Variants in ASPSCR1 observed in about 807,000 individuals in gnomAD.
ASPSCR1 encodes the protein ASPSCR1 tether for SLC2A4, UBX domain containing.
In ASPSCR1, 55 loss-of-function variants were observed where a neutral mutation model predicts 68.9. The observed-to-expected ratio is 0.80, with a 90% CI of 0.64 to 1.00. ASPSCR1 has a LOEUF of 1.00. ASPSCR1 is among the 50% of genes least tolerant of loss of function. The pLI, the probability that ASPSCR1 is intolerant of heterozygous loss-of-function variation, is 0.00. For synonymous variants in ASPSCR1, 352 were observed against 332.6 expected (o/e 1.06, Z -0.63); for missense variants, 765 against 762.2 (o/e 1.00, Z -0.04).
intron 13 of ASPSCR1, 29 bp downstream of exon 13, chr17:82,016,556 G>A (rs541123468): frequency 1.2e-5 from 19 of 1,549,138 alleles, no homozygotes; most frequent in Middle Eastern, 1.9e-4. Context: ...GGCCAGTGTC[G>A]GAGTCCAGCC....
Position 82,017,097 on chromosome 17 carries a change from G to A in ASPSCR1, c.1632G>A (p.Lys544=), listed in dbSNP as rs74795907. Residue 544 remains lysine, a synonymous_variant, in exon 15 of 16, where the codon AAG becomes AAA. Transcript: ENST00000306739. The part of the protein sequence containing the change: ...PVKRSLGKVP[K]WLKLPASKR ...AGAGGAGCCTGGGCAAGGTGCCCAA[G>A]TGGCTGAAGCTGCCGGGTACTGCGG... 5,927 of 1,600,746 alleles carry A rather than the reference G, an allele frequency of 3.7e-3. 199 individuals are homozygous for A. In the African/African-American group the frequency reaches 0.071, roughly 19 times the overall value.
At chr17:82,015,488 G>T in intron 12 of ASPSCR1, 1 of 1,205,776 alleles carries the variant, frequency 8.3e-7, no homozygotes, top group Non-Finnish European at 1.1e-6. Context: ...TGTGCGTCCC[G>T]TGGGGCAGTG....
intron 7 of ASPSCR1, chr17:82,006,954 A>G: frequency 6.6e-6 from 1 of 152,438 alleles, no homozygotes. Context: ...TGTGGGACAG[A>G]AAGTCTCTCC....
At chr17:82,007,249 G>C (rs561603229) in intron 7 of ASPSCR1, 1 of 152,286 alleles carries the variant, frequency 6.6e-6, no homozygotes, top group Non-Finnish European at 1.5e-5. Flanking sequence ...CTGCTACCAC[G>C]GCCCCGTGTG....
chr17:81,989,322 C>T (rs1046228349), intron 4 of ASPSCR1, among the ~76,000 whole-genome samples: 14 of 152,202 alleles, frequency 9.2e-5, no homozygotes, highest in Middle Eastern at 3.2e-3. Flanking sequence ...GGTGGCGTTG[C>T]CAGCCCCACG....
At chr17:82,004,355 C>T (rs1414120150) in intron 7 of ASPSCR1, 2 of 152,178 alleles carry the variant, frequency 1.3e-5, no homozygotes, top group Non-Finnish European at 2.9e-5. Flanking sequence ...TTCGGGGCAT[C>T]TGGATAAATG....
intron 4 of ASPSCR1, among the ~76,000 whole-genome samples, chr17:81,992,116 C>T (rs1023684363): frequency 4.6e-5 from 7 of 152,214 alleles, no homozygotes; most frequent in Admixed American, 3.3e-4. Flanking sequence ...GCGGAAGCGC[C>T]CCAAAGCACT....
intron 9 of ASPSCR1, among the ~76,000 whole-genome samples, chr17:82,010,485 T>TGC (rs2042895887): frequency 4.2e-5 from 6 of 142,748 alleles, no homozygotes; most frequent in Non-Finnish European, 7.5e-5. Flanking sequence ...GCCGAGATCA[T>TGC]GCCACTGCAC....
At chr17:82,011,848 C>T (rs941940921) in intron 11 of ASPSCR1, among the ~76,000 whole-genome samples, 1 of 152,120 alleles carries the variant, frequency 6.6e-6, no homozygotes, top group African/African-American at 2.4e-5. Context: ...CTGCTCCCCT[C>T]TGGAGCCCTG....
chr17:81,991,940 C>T (rs894714298), intron 4 of ASPSCR1, among the ~76,000 whole-genome samples: 6 of 152,252 alleles, frequency 3.9e-5, no homozygotes, highest in Non-Finnish European at 5.9e-5. Flanking sequence ...GGGGCCCCAG[C>T]GGGGCGGGGT....
chr17:81,999,165 G>A lies in ASPSCR1; in HGVS notation c.933+2319G>A, dbSNP rs895053350. ...ACTGGGGGACTGTCATGCGGCTTTC[G>A]GTGACAGGGATGGGAGGAGGCTGTT... On this transcript the variant is annotated intron_variant, in intron 7 of 15. Coordinates refer to ENST00000306739, the MANE Select transcript of ASPSCR1 (RefSeq NM_024083.4). This position sits in a 1 kb window ranked among gnomAD's most constrained non-coding sequence, Gnocchi z 4.4. Among the ~76,000 whole-genome samples the A allele has an allele frequency of 6.6e-6, 1 of 152,242 alleles. No individual in the cohort carries two copies. Among genetic ancestry groups the A allele is most frequent in the African/African-American group, 2.4e-5 (1 of 41,464 alleles).
At chr17:82,001,268 G>A (rs1425761025) in intron 7 of ASPSCR1, among the ~76,000 whole-genome samples, 2 of 152,116 alleles carry the variant, frequency 1.3e-5, no homozygotes, top group East Asian at 3.9e-4. Context: ...GTAGGTATTG[G>A]GCCAGGGGCT....
chr17:81,978,088 T>G, intron 1 of ASPSCR1: 2 of 171,496 alleles, frequency 1.2e-5, no homozygotes, highest in Non-Finnish European at 1.2e-5. Flanking sequence ...AGACCCGCGT[T>G]CCCATTCCGG....
intron 7 of ASPSCR1, among the ~76,000 whole-genome samples, chr17:81,997,702 G>A (rs1434050675): frequency 6.7e-6 from 1 of 149,984 alleles, no homozygotes; most frequent in Non-Finnish European, 1.5e-5. Flanking sequence ...TGTTGTCCAG[G>A]ATGGTCTCAA....
In ASPSCR1 at chr17:81,996,715, A is replaced by T. The variant is rs1328258127; in HGVS notation, c.802A>T (p.Lys268Ter). ...GAGGCCTCTGACATCATCTTCAGCT[A>T]AGTTGCCGAAGTCCCTCTCCAGCCC... ...PTRPLTSSSAKLPKSLSSPGG... is the reference protein window; with the variant it reads ...PTRPLTSSSA The change falls in exon 7 of 16, where the codon AAG becomes TAG. Residue 268 changes from lysine (K) to a stop codon, truncating the protein, a stop_gained. Coordinates refer to ENST00000306739, the MANE Select transcript of ASPSCR1 (RefSeq NM_024083.4). LOFTEE classifies it high-confidence loss of function. 2 of 1,613,468 alleles carry T rather than the reference A, an allele frequency of 1.2e-6. No homozygotes were observed. The highest frequency in any genetic ancestry group is 1.7e-6 in the Non-Finnish European group (2 of 1,179,954).
In ASPSCR1 at chr17:81,983,042, C is replaced by T. The variant is rs1040943356; in HGVS notation, c.159-512C>T. Among the ~76,000 whole-genome samples the T allele has an allele frequency of 2.0e-5, 3 of 152,186 alleles. No homozygotes were observed. The highest frequency in any genetic ancestry group is 7.2e-5 in the African/African-American group (3 of 41,464). ...TATTTTCAGTAGAGACGGGGTTTCA[C>T]CATGTTGGTCAGGCTTGTCTCAAAC... On this transcript the variant is annotated intron_variant, in intron 2 of 15. Coordinates refer to ENST00000306739, the MANE Select transcript of ASPSCR1 (RefSeq NM_024083.4). This position sits in a 1 kb window ranked among gnomAD's most constrained non-coding sequence, Gnocchi z 4.4.
Position 82,016,500 on chromosome 17 carries a change from G to A in ASPSCR1, c.1378G>A (p.Val460Met). The A allele has an allele frequency of 6.5e-7, 1 of 1,549,032 alleles. No individual in the cohort carries two copies. Among genetic ancestry groups the A allele is most frequent in the South Asian group, 1.2e-5 (1 of 84,020 alleles). Residue 460 changes from valine (V) to methionine (M), a missense_variant, in exon 13 of 16, where the codon GTG becomes ATG. Physicochemically the swap from Val to Met is conservative, Grantham distance 21 (BLOSUM62 1). Coordinates refer to ENST00000306739, the MANE Select transcript of ASPSCR1 (RefSeq NM_024083.4). ...GGCGAACCTCTTCCCGGCCGCTCTG[G>A]TGCACTTGGGAGCCGAGGAGCCGGC... ...FQANLFPAALVHLGAEEPAGV... is the reference protein window; with the variant it reads ...FQANLFPAALMHLGAEEPAGV...
In ASPSCR1 at chr17:81,977,726, C is replaced by G; in HGVS notation, c.80C>G (p.Thr27Arg). 1 of 1,296,066 alleles carries G rather than the reference C, an allele frequency of 7.7e-7. No individual in the cohort carries two copies. Among genetic ancestry groups the G allele is most frequent in the East Asian group, 3.2e-5 (1 of 31,164 alleles). The allele number at this position is 1,296,066 out of a possible 1,614,324, so 80.3% of individuals were successfully genotyped here. A position where few individuals can be genotyped will look rare whatever the true frequency, so the allele number is the denominator to read the frequency against. ...PNGRRHTVKV[T>R]PSTVLLQVLE... ...GGCCGGCGCCACACGGTGAAGGTGA[C>G]GCCGAGCACCGTGCTGCTTCAGGTG... Residue 27 changes from threonine (T) to arginine (R), a missense_variant, in exon 1 of 16, where the codon ACG (threonine) becomes AGG (arginine). Thr to Arg is a moderately conservative substitution (Grantham distance 71). Coordinates refer to ENST00000306739, the MANE Select transcript of ASPSCR1 (RefSeq NM_024083.4). This position sits in a 1 kb window ranked among gnomAD's most constrained non-coding sequence, Gnocchi z 5.0.
rs1348337354 is a variant in ASPSCR1 at position 81,996,467 on chromosome 17, T to C, written c.554T>C (p.Leu185Pro). 5.6e-6 allele frequency: 9 copies of C among 1,609,020 alleles called. No individual in the cohort carries two copies. Among genetic ancestry groups the C allele is most frequent in the Non-Finnish European group, 7.6e-6 (9 of 1,177,256 alleles). ...CCCGTGGGCAAGACCCCAGGAAGCCTGGGCTCGTCAGCGTCGGCTGGCCAG... is the reference window on the plus strand; with the variant it reads ...CCCGTGGGCAAGACCCCAGGAAGCCCGGGCTCGTCAGCGTCGGCTGGCCAG... ...YDPVGKTPGS[L>P]GSSASAGQAA... The change falls in exon 7 of 16, where the codon CTG becomes CCG. Residue 185 changes from leucine to proline, a missense_variant. By Grantham distance (98) the Leu-to-Pro change is moderately conservative. Coordinates refer to ENST00000306739, the MANE Select transcript of ASPSCR1 (RefSeq NM_024083.4).
Sources: allele counts gnomAD v4.1 joint callset (sites outside exome capture counted in the v4.1 genomes callset), GRCh38; gene constraint gnomAD v4.1.1; non-coding constraint Gnocchi (gnomAD v3.1); transcripts MANE v1.5; gene names NCBI Gene and HGNC (gene_info 2026-07-23, HGNC 2026-07-21).